Variants in VPS33A observed in about 807,000 individuals in gnomAD.
VPS33A encodes the protein VPS33A core subunit of CORVET and HOPS complexes, also known as vacuolar protein sorting-associated protein 33A.
In VPS33A, 32 loss-of-function variants were observed where a neutral mutation model predicts 71.8. The ratio of observed to expected loss-of-function variants is 0.45; its 90% CI spans 0.34 to 0.60. The LOEUF (loss-of-function observed/expected upper bound fraction) is 0.60, where lower values mean the gene tolerates loss of function less well. Ranked by LOEUF, VPS33A falls within the 20% of genes least tolerant of loss-of-function variation. VPS33A has a pLI of 0.02. For missense variants in VPS33A, 625 were observed against 748.5 expected, an observed-to-expected ratio of 0.84 and a Z score of 1.92; for synonymous variants, 311 against 292.7, an observed-to-expected ratio of 1.06 and a Z score of -0.64.
In VPS33A at chr12:122,232,855, G is replaced by A. The variant is rs368453753; in HGVS notation, c.1554C>T (p.Leu518=). The A allele has an allele frequency of 3.7e-6, 6 of 1,614,184 alleles. No individual in the cohort carries two copies. Among genetic ancestry groups the A allele is most frequent in the Middle Eastern group, 1.7e-4 (1 of 6,056 alleles). The stretch of plus-strand genomic sequence containing the variant: ...GCCGCTCCTCAAAGTGGGGCCCTGG[G>A]AGGATGCGGAGGACCTCCTCGATGC... The part of the protein sequence containing the change: ...WRSIEEVLRI[L]PGPHFEERQP... The change falls in exon 12 of 13, where the codon CTC becomes CTT. Residue 518 remains leucine (L), a synonymous_variant. Coordinates refer to ENST00000267199, the MANE Select transcript of VPS33A (RefSeq NM_022916.6).
chr12:122,237,538 T>C (rs1042930225), intron 10 of VPS33A, among the ~76,000 whole-genome samples: 5 of 140,054 alleles, frequency 3.6e-5, no homozygotes, highest in South Asian at 2.2e-4. Context: ...GTTTTTCTTT[T>C]TTTTTTTTTT....
intron 7 of VPS33A, among the ~76,000 whole-genome samples, chr12:122,244,309 T>C (rs190761255): frequency 1.3e-5 from 2 of 152,344 alleles, no homozygotes; most frequent in Admixed American, 6.5e-5. Flanking sequence ...CAAATGTTTA[T>C]GATGGAAGTC....
intron 11 of VPS33A, 107 bp from the exon 12 acceptor site, chr12:122,233,075 T>C: frequency 8.0e-7 from 1 of 1,242,976 alleles, no homozygotes. Context: ...TTTAAAGATA[T>C]ACAACCCCCA....
intron 10 of VPS33A, 80 bp from the exon 11 acceptor site, chr12:122,236,003 A>T: frequency 6.5e-7 from 1 of 1,530,154 alleles, no homozygotes; most frequent in Non-Finnish European, 8.8e-7. Context: ...ACTTCCAACA[A>T]ATCAATTTGG....
intron 1 of VPS33A, 60 bp downstream of exon 1, chr12:122,266,247 G>A (rs1955069381): frequency 1.3e-6 from 2 of 1,583,888 alleles, no homozygotes; most frequent in Admixed American, 1.7e-5. Flanking sequence ...GTCAGGGAAC[G>A]GATTAAACCA....
chr12:122,240,896 G>C (rs61954365), intron 8 of VPS33A: 1 of 152,142 alleles, frequency 6.6e-6, no homozygotes, highest in Non-Finnish European at 1.5e-5. Context: ...AGCACTTTGG[G>C]AGCCAAGGCA....
intron 4 of VPS33A, among the ~76,000 whole-genome samples, chr12:122,254,371 C>A (rs1262186602): frequency 3.3e-5 from 5 of 150,954 alleles, no homozygotes; most frequent in Non-Finnish European, 7.4e-5. Context: ...TTCTTTCTGC[C>A]ACTTCCTCTA....
intron 4 of VPS33A, among the ~76,000 whole-genome samples, chr12:122,258,011 T>A (rs1026015993): frequency 6.6e-6 from 1 of 152,144 alleles, no homozygotes; most frequent in Non-Finnish European, 1.5e-5. Context: ...TAGATATCCA[T>A]GTGTAAAAAA....
At chr12:122,240,318 ACT>A (rs1954696857) in intron 8 of VPS33A, among the ~76,000 whole-genome samples, 1 of 152,152 alleles carries the variant, frequency 6.6e-6, no homozygotes, top group African/African-American at 2.4e-5. Context: ...ACAGAGCGAG[ACT>A]CTGTCTCAAA....
At chr12:122,247,271 A>G (rs983689771) in intron 6 of VPS33A, among the ~76,000 whole-genome samples, 1 of 151,960 alleles carries the variant, frequency 6.6e-6, no homozygotes, top group African/African-American at 2.4e-5. Context: ...CCCTTCCCAC[A>G]TACCTCCCAC....
At chr12:122,238,821 GAACTT>G (rs1954667774) in intron 9 of VPS33A, 97 bp from the exon 10 acceptor site, 4 of 1,172,420 alleles carry the variant, frequency 3.4e-6, no homozygotes, top group Non-Finnish European at 4.7e-6. Context: ...CATGGTTTAG[GAACTT>G]AACTTGATGT....
chr12:122,247,568 A>C (rs528350437), intron 6 of VPS33A, among the ~76,000 whole-genome samples: 1 of 152,206 alleles, frequency 6.6e-6, no homozygotes, highest in South Asian at 2.1e-4. Flanking sequence ...ATACGTGTGG[A>C]AACGCCTCCT....
rs1392475881 is a variant in VPS33A, at chr12:122,229,688, C to CTT, written c.*2556_*2557dup. 1 of 152,178 alleles carries CTT rather than the reference C, an allele frequency of 6.6e-6. No homozygotes were observed. Among genetic ancestry groups the CTT allele is most frequent in the Non-Finnish European group, 1.5e-5 (1 of 68,034 alleles). 9.4% of individuals were successfully genotyped at this position (152,178 alleles called of 1,614,324 possible). A position where few individuals can be genotyped will look rare whatever the true frequency, so the allele number is the denominator to read the frequency against. On this transcript the variant is annotated 3_prime_UTR_variant, in exon 13 of 13. Transcript: ENST00000267199. The stretch of plus-strand genomic sequence containing the variant: ...ACAATAAATGTACCGTTCACATATC[C>CTT]TTTCTCAGTAAGGGCATACTCTTTT...
Position 122,263,103 on chromosome 12 carries a change from A to G in VPS33A, c.296+469T>C, listed in dbSNP as rs527356695. On this transcript the variant is annotated intron_variant, in intron 3 of 12. Coordinates refer to ENST00000267199, the MANE Select transcript of VPS33A (RefSeq NM_022916.6). ...TGCCTCCCGGGTTCAACAGACTATC[A>G]TGCCTCAGTCTCCCGAGTAGCTGGG... Among the ~76,000 whole-genome samples, 5 of 148,994 alleles carry G rather than the reference A, an allele frequency of 3.4e-5. No individual in the cohort carries two copies. In the East Asian group the frequency reaches 9.9e-4, roughly 29 times the overall value.
intron 4 of VPS33A, among the ~76,000 whole-genome samples, chr12:122,259,175 GTGTATGTA>G (rs1361143652): frequency 7.7e-6 from 1 of 129,192 alleles, no homozygotes; most frequent in Admixed American, 8.6e-5. Context: ...GTGTGTGTGT[GTGTATGTA>G]TGTGTGTATG....
At chr12:122,261,816 C>G (rs1030623512) in intron 3 of VPS33A, among the ~76,000 whole-genome samples, 4 of 152,122 alleles carry the variant, frequency 2.6e-5, no homozygotes, top group Non-Finnish European at 5.9e-5. Context: ...ACCTGGCCAA[C>G]ACGAAGAAAC....
chr12:122,263,500 GAGA>G, intron 3 of VPS33A, 69 bp downstream of exon 3: 1 of 1,478,720 alleles, frequency 6.8e-7, no homozygotes, highest in Non-Finnish European at 9.0e-7. Context: ...GGTCTTCCAT[GAGA>G]AGGAGCTCAT....
chr12:122,238,759 T>TTACATA (rs752815419), intron 9 of VPS33A, 35 bp from the exon 10 acceptor site: 22 of 1,463,968 alleles, frequency 1.5e-5, no homozygotes, highest in South Asian at 1.4e-4. Flanking sequence ...ACATATACAT[T>TTACATA]TACATATACA....
intron 4 of VPS33A, among the ~76,000 whole-genome samples, chr12:122,252,014 T>C (rs1394334866): frequency 6.6e-6 from 1 of 151,820 alleles, no homozygotes; most frequent in Non-Finnish European, 1.5e-5. Context: ...TCACAGCACT[T>C]TGGGAGGCTG....
Sources: gnomAD v4.1 joint callset for allele counts (sites outside exome capture counted in the v4.1 genomes callset) on GRCh38, gnomAD v4.1.1 for gene constraint, MANE v1.5 for transcripts, NCBI Gene and HGNC (gene_info 2026-07-23, HGNC 2026-07-21) for gene names.